Variants in RCL1 observed in about 807,000 individuals in gnomAD.
The protein encoded by RCL1 is RNA terminal phosphate cyclase like 1.
In RCL1, 24 loss-of-function variants were observed where a neutral mutation model predicts 42.4. The ratio of observed to expected loss-of-function variants is 0.57; its 90% confidence interval spans 0.41 to 0.80. The LOEUF is 0.80. RCL1 is among the 30% of genes least tolerant of loss of function. The pLI is 0.00. For synonymous variants in RCL1, 228 were observed against 177.3 expected (o/e 1.29, Z -2.27); for missense variants, 578 against 467.9 (o/e 1.24, Z -2.17).
intron 8 of RCL1, among the ~76,000 whole-genome samples, chr9:4,859,620 G>C (rs935719169): frequency 2.6e-5 from 4 of 152,080 alleles, no homozygotes; most frequent in African/African-American, 9.7e-5. Flanking sequence ...TGAATGTCAT[G>C]GTGCTGTGAA....
rs369880891 is a variant in RCL1, at chr9:4,837,668, G to C, written c.584+3403G>C. Among the ~76,000 whole-genome samples the C allele has an allele frequency of 9.2e-5, 14 of 152,262 alleles. No individual in the cohort carries two copies. In the South Asian group the frequency reaches 2.9e-3, roughly 32 times the overall value. On this transcript the variant is annotated intron_variant, in intron 5 of 8. Transcript: ENST00000381750. Reference sequence around the variant, plus strand: ...TCGTGTCCTTTGATGATGATGCTGGGAAATGGGGAAGGGCTTTCCAGGGGA... The same window carrying C: ...TCGTGTCCTTTGATGATGATGCTGGCAAATGGGGAAGGGCTTTCCAGGGGA...
chr9:4,798,974 C>CCTTTT lies in RCL1; in HGVS notation c.136+5764_136+5768dup, dbSNP rs369715664. ...TGGAAGCTGTTGTATAAATGCCTTGCCTTTTCTTTTCTTTTCTTTTCCTCT... is the reference window on the plus strand; with the variant it reads ...TGGAAGCTGTTGTATAAATGCCTTGCCTTTTCTTTTCTTTTCTTTTCTTTTCCTCT... On this transcript the variant is annotated intron_variant, in intron 1 of 8. Transcript: ENST00000381750. 8.7e-4 allele frequency among the ~76,000 whole-genome samples: 131 copies of CCTTTT among 150,276 alleles called. 2 individuals carry two copies. Among genetic ancestry groups the CCTTTT allele is most frequent in the African/African-American group, 3.1e-3 (124 of 40,568 alleles).
intron 1 of RCL1, among the ~76,000 whole-genome samples, chr9:4,801,481 C>T (rs1244178468): frequency 6.6e-6 from 1 of 152,180 alleles, no homozygotes; most frequent in African/African-American, 2.4e-5. Flanking sequence ...TGCCTGGCCT[C>T]TACTGTTGCT....
chr9:4,822,638 C>G (rs1004843202), intron 1 of RCL1, among the ~76,000 whole-genome samples: 4 of 151,816 alleles, frequency 2.6e-5, no homozygotes, highest in Non-Finnish European at 4.4e-5. Context: ...GTGAATATAA[C>G]GAGACCCTAT....
intron 4 of RCL1, 75 bp downstream of exon 4, chr9:4,833,303 TG>T: frequency 1.8e-6 from 2 of 1,092,102 alleles, no homozygotes; most frequent in Non-Finnish European, 2.8e-6. Flanking sequence ...AAGAGCTGTG[TG>T]ACTCAGTGTA....
At chr9:4,833,584 T>C (rs1817022708) in intron 4 of RCL1, among the ~76,000 whole-genome samples, 1 of 152,206 alleles carries the variant, frequency 6.6e-6, no homozygotes, top group African/African-American at 2.4e-5. Context: ...ATGATCTGGA[T>C]ATAATTTATG....
intron 1 of RCL1, among the ~76,000 whole-genome samples, chr9:4,806,244 T>G (rs888128284): frequency 2.0e-5 from 3 of 152,174 alleles, no homozygotes; most frequent in Admixed American, 2.0e-4. Flanking sequence ...TCTGCCTTAT[T>G]GCACTGGCTA....
chr9:4,842,231 G>A (rs1438023373), intron 6 of RCL1, among the ~76,000 whole-genome samples: 1 of 152,142 alleles, frequency 6.6e-6, no homozygotes, highest in Non-Finnish European at 1.5e-5. Flanking sequence ...TAGAGTCTGG[G>A]GTTAACTGTT....
At chr9:4,832,044 AT>A (rs775069185) in intron 3 of RCL1, among the ~76,000 whole-genome samples, 7 of 152,160 alleles carry the variant, frequency 4.6e-5, no homozygotes, top group Non-Finnish European at 1.0e-4. Flanking sequence ...GGAACAAGTA[AT>A]GGAGTAATTT....
intron 1 of RCL1, among the ~76,000 whole-genome samples, chr9:4,809,239 A>G (rs763851040): frequency 3.3e-5 from 5 of 152,102 alleles, no homozygotes; most frequent in Non-Finnish European, 5.9e-5. Context: ...TTTCTTACAT[A>G]TATCCTAACA....
intron 1 of RCL1, among the ~76,000 whole-genome samples, chr9:4,805,646 G>A (rs1021301036): frequency 3.9e-5 from 6 of 152,180 alleles, no homozygotes; most frequent in Non-Finnish European, 8.8e-5. Context: ...AGGGACAGTG[G>A]GCAGGTAGCT....
At chr9:4,835,520 A>G (rs1179495111) in intron 5 of RCL1, among the ~76,000 whole-genome samples, 1 of 152,194 alleles carries the variant, frequency 6.6e-6, no homozygotes, top group Non-Finnish European at 1.5e-5. Flanking sequence ...TCTTTACAGA[A>G]CCTTGACAGG....
At chr9:4,813,837 A>C (rs1271120808) in intron 1 of RCL1, among the ~76,000 whole-genome samples, 2 of 152,198 alleles carry the variant, frequency 1.3e-5, no homozygotes, top group Non-Finnish European at 2.9e-5. Context: ...GCACATATAC[A>C]CCATGGAATA....
intron 2 of RCL1, 105 bp downstream of exon 2, chr9:4,823,724 C>G: frequency 1.4e-6 from 1 of 702,522 alleles, no homozygotes; most frequent in South Asian, 1.9e-5. Context: ...CTCTGCTTAT[C>G]CAAATCACTC....
intron 1 of RCL1, among the ~76,000 whole-genome samples, chr9:4,800,090 G>A (rs1341292388): frequency 1.3e-5 from 2 of 152,112 alleles, no homozygotes; most frequent in East Asian, 1.9e-4. Context: ...TTGCTGAGTA[G>A]TATTTCATGG....
intron 4 of RCL1, among the ~76,000 whole-genome samples, chr9:4,833,603 C>T (rs1431856686): frequency 2.0e-5 from 3 of 152,148 alleles, no homozygotes; most frequent in Admixed American, 6.5e-5. Flanking sequence ...TGTTCAGGGG[C>T]TCCCAACCTG....
intron 7 of RCL1, among the ~76,000 whole-genome samples, chr9:4,848,713 A>C (rs1475596419): frequency 6.6e-6 from 1 of 152,242 alleles, no homozygotes; most frequent in Non-Finnish European, 1.5e-5. Flanking sequence ...GAGAAAATGA[A>C]AAACAAAAGA....
intron 1 of RCL1, among the ~76,000 whole-genome samples, chr9:4,810,386 A>G (rs1235881093): frequency 6.6e-6 from 1 of 152,130 alleles, no homozygotes; most frequent in African/African-American, 2.4e-5. Context: ...AACACCATGG[A>G]TTAGGTTTCT....
Position 4,851,443 on chromosome 9 carries a change from C to T in RCL1, c.971+1893C>T, listed in dbSNP as rs545584953. Among the ~76,000 whole-genome samples the T allele has an allele frequency of 6.4e-4, 97 of 152,294 alleles. 1 individual carries two copies. Among genetic ancestry groups the T allele is most frequent in the African/African-American group, 1.9e-3 (79 of 41,566 alleles). On this transcript the variant is annotated intron_variant, in intron 8 of 8. Coordinates refer to ENST00000381750, the MANE Select transcript of RCL1 (RefSeq NM_005772.5). ...TCAAGAAAGCTGGATCTGTTTCATACTCTTTCTGCCCCTAATCACTATGGA... is the reference window on the plus strand; with the variant it reads ...TCAAGAAAGCTGGATCTGTTTCATATTCTTTCTGCCCCTAATCACTATGGA...
Sources: allele counts gnomAD v4.1 joint callset (sites outside exome capture counted in the v4.1 genomes callset), GRCh38; gene constraint gnomAD v4.1.1; transcripts MANE v1.5; gene names NCBI Gene and HGNC (gene_info 2026-07-23, HGNC 2026-07-21).